The following KCNQ1 variants were observed in gnomAD, a reference collection of about 807,000 sequenced individuals.
The protein encoded by KCNQ1 is potassium voltage-gated channel subfamily Q member 1, also known as potassium voltage-gated channel subfamily KQT member 1.
A neutral mutation model predicts 72.4 loss-of-function variants in KCNQ1; 49 were observed. The observed-to-expected ratio is 0.68, with a 90% CI of 0.54 to 0.86. KCNQ1 has a LOEUF of 0.86. Among genes scored for constraint, KCNQ1 ranks in the 40% least tolerant of loss-of-function variants. The probability of loss-of-function intolerance (pLI) is 0.00; values close to 1 mark genes in which losing one functional copy is unlikely to be tolerated. For synonymous variants in KCNQ1, 450 were observed against 412.6 expected (o/e 1.09, Z -1.10); for missense variants, 790 against 945.1 (o/e 0.84, Z 2.15).
rs116984685 is a variant in KCNQ1 at position 2,826,181 on chromosome 11, G to A, written c.1795-21586G>A. Among the ~76,000 whole-genome samples, 672 of 152,312 alleles carry A rather than the reference G, an allele frequency of 4.4e-3. 2 individuals are homozygous for A. Among genetic ancestry groups the A allele is most frequent in the Non-Finnish European group, 6.1e-3 (413 of 68,024 alleles). On this transcript the variant is annotated intron_variant, in intron 15 of 15. Transcript: ENST00000155840. The surrounding 1 kb of genome is among the most constrained non-coding windows in gnomAD (Gnocchi z 4.2). ...GTCCAGCCCGCAGCAGAACCTCTCCGAGGGAGTGCTATTGTTTTTCATGTC... is the reference window on the plus strand; with the variant it reads ...GTCCAGCCCGCAGCAGAACCTCTCCAAGGGAGTGCTATTGTTTTTCATGTC...
rs1255239101 is a variant in KCNQ1, at chr11:2,498,430, G to C, written c.387-29498G>C. Among the ~76,000 whole-genome samples, 1 of 152,224 alleles carries C rather than the reference G, an allele frequency of 6.6e-6. No homozygotes were observed. Among genetic ancestry groups the C allele is most frequent in the African/African-American group, 2.4e-5 (1 of 41,456 alleles). ...GAAGCAGTCTGGCCTCAGCTGCTTT[G>C]CTGTGCTTTGGTGAATTCTGCCCAG... On this transcript the variant is annotated intron_variant, in intron 1 of 15. Transcript: ENST00000155840. The surrounding 1 kb of genome is among the most constrained non-coding windows in gnomAD (Gnocchi z 4.8).
chr11:2,537,974 C>T lies in KCNQ1; in HGVS notation c.477+9956C>T, dbSNP rs1847763102. Among the ~76,000 whole-genome samples the T allele has an allele frequency of 6.6e-6, 1 of 152,214 alleles. No individual in the cohort carries two copies. Among genetic ancestry groups the T allele is most frequent in the South Asian group, 2.1e-4 (1 of 4,826 alleles). On this transcript the variant is annotated intron_variant, in intron 2 of 15. Transcript: ENST00000155840. This position sits in a 1 kb window ranked among gnomAD's most constrained non-coding sequence, Gnocchi z 5.2. Reference sequence around the variant, plus strand: ...CAAACAATCCTCCCACCTCGGCCAACCCAAAGTGCTGAGATTATAGGCATG... The same window carrying T: ...CAAACAATCCTCCCACCTCGGCCAATCCAAAGTGCTGAGATTATAGGCATG...
In KCNQ1 at chr11:2,669,760, CTT is replaced by C. The variant is rs1177667602; in HGVS notation, c.1514+7681_1514+7682del. 2.5e-6 allele frequency: 1 copy of C among 398,520 alleles called. No individual in the cohort carries two copies. Among genetic ancestry groups the C allele is most frequent in the Non-Finnish European group, 4.4e-6 (1 of 226,094 alleles). The allele number at this position is 398,520 out of a possible 1,614,324, so 24.7% of individuals were successfully genotyped here. A position where few individuals can be genotyped will look rare whatever the true frequency, so the allele number is the denominator to read the frequency against. ...AAATATTAGCCAGCATAGAATGTCT[CTT>C]TGTGATGGGAGATCCTGTGGGGACA... On this transcript the variant is annotated intron_variant, in intron 11 of 15. Coordinates refer to ENST00000155840, the MANE Select transcript of KCNQ1 (RefSeq NM_000218.3). The surrounding 1 kb of genome is among the most constrained non-coding windows in gnomAD (Gnocchi z 5.6).
In KCNQ1 at chr11:2,468,164, G is replaced by T. The variant is rs1441216584; in HGVS notation, c.386+22680G>T. Among the ~76,000 whole-genome samples, 3 of 152,106 alleles carry T rather than the reference G, an allele frequency of 2.0e-5. No homozygotes were observed. Among genetic ancestry groups the T allele is most frequent in the African/African-American group, 7.2e-5 (3 of 41,426 alleles). On this transcript the variant is annotated intron_variant, in intron 1 of 15. Transcript: ENST00000155840. This position sits in a 1 kb window ranked among gnomAD's most constrained non-coding sequence, Gnocchi z 5.7. ...CCCAGAAGTTTATTTTTTATTTTTC[G>T]AGACAGGGTCTCCCTCTGTCACTTA...
intron 10 of KCNQ1, among the ~76,000 whole-genome samples, chr11:2,605,652 C>G (rs1320202826): frequency 2.6e-5 from 4 of 152,206 alleles, no homozygotes; most frequent in Non-Finnish European, 5.9e-5. Context: ...ACATATCTAT[C>G]TCATGCCAGT....
chr11:2,656,336 C>G (rs1356779589), intron 10 of KCNQ1: 1 of 398,520 alleles, frequency 2.5e-6, no homozygotes, highest in African/African-American at 2.1e-5. Context: ...TGTGGGTCTC[C>G]AAATCTGCAC....
chr11:2,476,713 G>T (rs1846573635), intron 1 of KCNQ1, among the ~76,000 whole-genome samples: 1 of 150,004 alleles, frequency 6.7e-6, no homozygotes, highest in Non-Finnish European at 1.5e-5. Context: ...TTAAGACAGA[G>T]TCTCACTCAA....
chr11:2,660,878 G>A, intron 10 of KCNQ1: 1 of 398,586 alleles, frequency 2.5e-6, no homozygotes, highest in East Asian at 3.6e-5. Context: ...AGATGAATAT[G>A]GCATCATAGT....
At chr11:2,684,454 C>G in intron 11 of KCNQ1, 1 of 398,624 alleles carries the variant, frequency 2.5e-6, no homozygotes, top group Middle Eastern at 6.3e-4. Context: ...GTTCTTTTGG[C>G]AAAAAGACTA....
In KCNQ1 at chr11:2,817,957, C is replaced by T. The variant is rs1461002993; in HGVS notation, c.1795-29810C>T. ...GAAGGCCTGCAGTGAAAAAAACTAA[C>T]TTCGTATAACCCAACTATTCCCAAA... On this transcript the variant is annotated intron_variant, in intron 15 of 15. Coordinates refer to ENST00000155840, the MANE Select transcript of KCNQ1 (RefSeq NM_000218.3). This position sits in a 1 kb window ranked among gnomAD's most constrained non-coding sequence, Gnocchi z 6.1. 3.9e-5 allele frequency among the ~76,000 whole-genome samples: 6 copies of T among 152,192 alleles called. No homozygotes were observed. Among genetic ancestry groups the T allele is most frequent in the African/African-American group, 7.2e-5 (3 of 41,448 alleles).
chr11:2,544,320 CTATG>C lies in KCNQ1; in HGVS notation c.477+16306_477+16309del, dbSNP rs1260750253. Among the ~76,000 whole-genome samples, 3 of 125,888 alleles carry C rather than the reference CTATG, an allele frequency of 2.4e-5. No individual in the cohort carries two copies. The highest frequency in any genetic ancestry group is 3.8e-5 in the African/African-American group (1 of 26,354). 82.6% of individuals were successfully genotyped at this position (125,888 alleles called of 152,430 possible). On this transcript the variant is annotated intron_variant, in intron 2 of 15. Transcript: ENST00000155840. This position sits in a 1 kb window ranked among gnomAD's most constrained non-coding sequence, Gnocchi z 4.4. ...TATATATGTGTATATATGTATATAT[CTATG>C]TATATATATGTGTATGTATATGTAT...
At position 2,661,955 on chromosome 11, in the gene KCNQ1, C is replaced by T. The variant is rs759714698; in HGVS notation, c.1394-6C>T. ...CTAACGTGCTGTCCCCACACTTTCT[C>T]CTCAGTAAGGAAGAGCCCAACACTG... is the stretch of plus-strand genomic sequence containing the variant. On this transcript the variant is annotated splice_region_variant and splice_polypyrimidine_tract_variant and intron_variant, in intron 10 of 15. Transcript: ENST00000155840. The surrounding 1 kb of genome is among the most constrained non-coding windows in gnomAD (Gnocchi z 5.9). 5.0e-6 allele frequency: 8 copies of T among 1,614,076 alleles called. No homozygotes were observed. The highest frequency in any genetic ancestry group is 6.8e-6 in the Non-Finnish European group (8 of 1,180,046).
In KCNQ1 at chr11:2,782,618, G is replaced by A. The variant is rs147419542; in HGVS notation, c.1794+4581G>A. ...AAGATTCATCATTCCTGATTCAATC[G>A]CTCTAATAATTATGGACTGTTCAGG... On this transcript the variant is annotated intron_variant, in intron 15 of 15. Coordinates refer to ENST00000155840, the MANE Select transcript of KCNQ1 (RefSeq NM_000218.3). This position sits in a 1 kb window ranked among gnomAD's most constrained non-coding sequence, Gnocchi z 6.1. 8.0e-4 allele frequency among the ~76,000 whole-genome samples: 122 copies of A among 152,202 alleles called. No individual in the cohort carries two copies. The highest frequency in any genetic ancestry group is 2.8e-3 in the African/African-American group (116 of 41,524).
At position 2,571,469 on chromosome 11, in the gene KCNQ1, G is replaced by A. The variant is rs934039222; in HGVS notation, c.683+66G>A. ...CCCCGAGCACCCCTCCTGAGCCGCG[G>A]GTGGTCTCACGCCCCATCCACCTTG... On this transcript the variant is annotated intron_variant, in intron 4 of 15. Transcript: ENST00000155840. 2.9e-6 allele frequency: 4 copies of A among 1,390,442 alleles called. No homozygotes were observed. In the African/African-American group the frequency reaches 5.7e-5, roughly 20 times the overall value. 86.1% of individuals were successfully genotyped at this position (1,390,442 alleles called of 1,614,324 possible).
In KCNQ1 at chr11:2,653,113, G is replaced by A. The variant is rs1849783031; in HGVS notation, c.1394-8848G>A. On this transcript the variant is annotated intron_variant, in intron 10 of 15. Coordinates refer to ENST00000155840, the MANE Select transcript of KCNQ1 (RefSeq NM_000218.3). This position sits in a 1 kb window ranked among gnomAD's most constrained non-coding sequence, Gnocchi z 5.3. ...GTGGAGAGAGGCTCACTGAAGGTTT[G>A]GGGAGATGAGGACTTGCATCACAGC... The A allele has an allele frequency of 2.5e-6, 1 of 398,592 alleles. No individual in the cohort carries two copies. Among genetic ancestry groups the A allele is most frequent in the Admixed American group, 4.4e-5 (1 of 22,730 alleles). The allele number at this position is 398,592 out of a possible 1,614,324, so 24.7% of individuals were successfully genotyped here. A position where few individuals can be genotyped will look rare whatever the true frequency, so the allele number is the denominator to read the frequency against.
rs1280374085 is a variant in KCNQ1, at chr11:2,563,210, A to G, written c.478-7418A>G. ...CCAGAAAATCTTCGCTATGTTGGAG[A>G]TTCGCCGGCTGATAAAAGCAAAACA... On this transcript the variant is annotated intron_variant, in intron 2 of 15. Transcript: ENST00000155840. This position sits in a 1 kb window ranked among gnomAD's most constrained non-coding sequence, Gnocchi z 7.4. Among the ~76,000 whole-genome samples the G allele has an allele frequency of 1.3e-5, 2 of 152,164 alleles. No homozygotes were observed. Among genetic ancestry groups the G allele is most frequent in the Non-Finnish European group, 2.9e-5 (2 of 68,044 alleles).
chr11:2,473,796 G>A lies in KCNQ1; in HGVS notation c.386+28312G>A, dbSNP rs1295549799. ...ATTGCTCTGCACAGGTAGGGCCATG[G>A]GGCCCGCTGGCCAGGGTGGCCATTG... is the stretch of plus-strand genomic sequence containing the variant. On this transcript the variant is annotated intron_variant, in intron 1 of 15. Coordinates refer to ENST00000155840, the MANE Select transcript of KCNQ1 (RefSeq NM_000218.3). This position sits in a 1 kb window ranked among gnomAD's most constrained non-coding sequence, Gnocchi z 6.0. Among the ~76,000 whole-genome samples the A allele has an allele frequency of 1.3e-5, 2 of 152,232 alleles. No individual in the cohort carries two copies. Among genetic ancestry groups the A allele is most frequent in the East Asian group, 1.9e-4 (1 of 5,194 alleles).
At chr11:2,583,413 A>C in intron 6 of KCNQ1, 22 bp from the exon 7 acceptor site, 1 of 1,561,032 alleles carries the variant, frequency 6.4e-7, no homozygotes, top group Non-Finnish European at 8.8e-7. Context: ...TCCGTGGCTG[A>C]CCACTGTCCC....
At chr11:2,596,907 G>T (rs577576610) in intron 10 of KCNQ1, among the ~76,000 whole-genome samples, 3 of 151,440 alleles carry the variant, frequency 2.0e-5, no homozygotes, top group Non-Finnish European at 2.9e-5. Context: ...ATTTTGCATA[G>T]CAAAAAAACA....
Sources: allele counts gnomAD v4.1 joint callset (sites outside exome capture counted in the v4.1 genomes callset), GRCh38; gene constraint gnomAD v4.1.1; non-coding constraint Gnocchi (gnomAD v3.1); transcripts MANE v1.5; gene names NCBI Gene and HGNC (gene_info 2026-07-23, HGNC 2026-07-21).